The following MOCOS variants were observed in gnomAD, a reference collection of about 807,000 sequenced individuals.
The protein encoded by MOCOS is molybdenum cofactor sulfurase.
MOCOS carries 86 observed loss-of-function variants against 83.6 expected under a neutral mutation model. The observed-to-expected ratio is 1.03, with a 90% CI of 0.86 to 1.23. The LOEUF (loss-of-function observed/expected upper bound fraction) is 1.23. Ranked by LOEUF, MOCOS falls within the 50% of genes most tolerant of loss-of-function variation. The pLI, the probability that MOCOS is intolerant of heterozygous loss-of-function variation, is 0.00. For missense variants in MOCOS, 1,120 were observed against 1,126.9 expected, an observed-to-expected ratio of 0.99 and a Z score of 0.09; for synonymous variants, 445 against 434.7, an observed-to-expected ratio of 1.02 and a Z score of -0.29.
intron 13 of MOCOS, among the ~76,000 whole-genome samples, chr18:36,266,242 T>G (rs1418289505): frequency 6.7e-6 from 1 of 149,626 alleles, no homozygotes; most frequent in Admixed American, 6.6e-5. Flanking sequence ...TTCAAGTGAT[T>G]CTTCTTCCTC....
Position 36,251,856 on chromosome 18 carries a change from G to A in MOCOS, c.2164+573G>A, listed in dbSNP as rs547888289. Among the ~76,000 whole-genome samples the A allele has an allele frequency of 4.6e-5, 7 of 152,198 alleles. No homozygotes were observed. In the South Asian group the frequency reaches 6.2e-4, roughly 14 times the overall value. ...CAGAAAAGATCATTTTCATGTGTCCGCTCAAATGTCACCTCCTTAGGGAAG... is the reference window on the plus strand; with the variant it reads ...CAGAAAAGATCATTTTCATGTGTCCACTCAAATGTCACCTCCTTAGGGAAG... On this transcript the variant is annotated intron_variant, in intron 11 of 14. Coordinates refer to ENST00000261326, the MANE Select transcript of MOCOS (RefSeq NM_017947.4).
chr18:36,266,872 T>C lies in MOCOS; in HGVS notation c.2514+19T>C. ...AACAAAGGTAAGCGTGATTGCAAAATATGACACCTGGTTTCCAATCCTGGT... is the reference window on the plus strand; with the variant it reads ...AACAAAGGTAAGCGTGATTGCAAAACATGACACCTGGTTTCCAATCCTGGT... On this transcript the variant is annotated intron_variant, in intron 14 of 14. Transcript: ENST00000261326. 6.3e-7 allele frequency: 1 copy of C among 1,585,028 alleles called. No homozygotes were observed.
intron 5 of MOCOS, among the ~76,000 whole-genome samples, chr18:36,204,120 C>T (rs2091425309): frequency 6.6e-6 from 1 of 152,140 alleles, no homozygotes; most frequent in African/African-American, 2.4e-5. Flanking sequence ...TTTAAGTGTA[C>T]AACTCAGTCG....
At chr18:36,237,373 G>C (rs36175339) in intron 9 of MOCOS, among the ~76,000 whole-genome samples, 64,419 of 151,580 alleles carry the variant, frequency 0.42, 13,941 homozygotes, top group Admixed American at 0.49. Flanking sequence ...GGCCTTTTCT[G>C]CATCTATTGA....
At chr18:36,252,921 G>C (rs535538324) in intron 11 of MOCOS, among the ~76,000 whole-genome samples, 1 of 152,266 alleles carries the variant, frequency 6.6e-6, no homozygotes, top group Admixed American at 6.5e-5. Flanking sequence ...TTGAGTTGCT[G>C]TGTGATAGAA....
At chr18:36,226,264 A>G (rs977581341) in intron 9 of MOCOS, among the ~76,000 whole-genome samples, 1 of 152,178 alleles carries the variant, frequency 6.6e-6, no homozygotes, top group African/African-American at 2.4e-5. Flanking sequence ...TTTTATCATC[A>G]TAAAATGTCC....
chr18:36,222,583 AT>A lies in MOCOS; in HGVS notation c.1960+2378del, dbSNP rs796627171. ...AAATACCTATTCAGGTCTTGAACCCATTTTTTTTTTTTAATTTTTTAATTTT... is the reference window on the plus strand; with the variant it reads ...AAATACCTATTCAGGTCTTGAACCCATTTTTTTTTTTAATTTTTTAATTTT... On this transcript the variant is annotated intron_variant, in intron 9 of 14. Coordinates refer to ENST00000261326, the MANE Select transcript of MOCOS (RefSeq NM_017947.4). 1.6e-3 allele frequency among the ~76,000 whole-genome samples: 226 copies of A among 140,224 alleles called. 1 individual carries two copies. The highest frequency in any genetic ancestry group is 5.2e-3 in the South Asian group (23 of 4,424). The allele number at this position is 140,224 out of a possible 152,430, so 92.0% of individuals were successfully genotyped here.
intron 9 of MOCOS, among the ~76,000 whole-genome samples, chr18:36,245,635 G>A (rs35391467): frequency 0.12 from 18,641 of 152,050 alleles, 1,228 homozygotes; most frequent in African/African-American, 0.14. Flanking sequence ...AATTTCCCAG[G>A]TGTTCTTTAA....
At chr18:36,191,839 T>A (rs2091367678) in intron 1 of MOCOS, among the ~76,000 whole-genome samples, 1 of 152,254 alleles carries the variant, frequency 6.6e-6, no homozygotes, top group Non-Finnish European at 1.5e-5. Context: ...TATCATGCTA[T>A]CTTCTATTTT....
chr18:36,268,720 T>A lies in MOCOS; in HGVS notation c.*35T>A. ...TTAGCATAAAGTTTCTCTTTTACAGTGATCTCTATTATTGTTAAGATCTGC... is the reference window on the plus strand; with the variant it reads ...TTAGCATAAAGTTTCTCTTTTACAGAGATCTCTATTATTGTTAAGATCTGC... On this transcript the variant is annotated 3_prime_UTR_variant, in exon 15 of 15. Coordinates refer to ENST00000261326, the MANE Select transcript of MOCOS (RefSeq NM_017947.4). 6.5e-7 allele frequency: 1 copy of A among 1,533,254 alleles called. No homozygotes were observed. The highest frequency in any genetic ancestry group is 9.0e-7 in the Non-Finnish European group (1 of 1,107,090). 95.0% of individuals were successfully genotyped at this position (1,533,254 alleles called of 1,614,324 possible).
chr18:36,190,319 C>G (rs2144890348), intron 1 of MOCOS: 1 of 152,216 alleles, frequency 6.6e-6, no homozygotes, highest in East Asian at 1.9e-4. Context: ...GCTCTGTGTC[C>G]CCACCTAAAT....
At chr18:36,222,892 G>T (rs759993425) in intron 9 of MOCOS, among the ~76,000 whole-genome samples, 1 of 152,136 alleles carries the variant, frequency 6.6e-6, no homozygotes, top group Non-Finnish European at 1.5e-5. Flanking sequence ...GAGCCATCGC[G>T]CCCAGCCACT....
intron 9 of MOCOS, among the ~76,000 whole-genome samples, chr18:36,236,610 T>C (rs1262314018): frequency 4.0e-5 from 5 of 125,804 alleles, no homozygotes; most frequent in South Asian, 2.6e-4. Context: ...GACTTGGCAA[T>C]GCGGGCTCTT....
intron 13 of MOCOS, among the ~76,000 whole-genome samples, chr18:36,265,864 C>T (rs1009613222): frequency 2.0e-5 from 3 of 152,016 alleles, no homozygotes; most frequent in Non-Finnish European, 4.4e-5. Flanking sequence ...CCTTTTAATA[C>T]GTGCATGATA....
intron 9 of MOCOS, among the ~76,000 whole-genome samples, chr18:36,238,963 CTTT>C (rs1196387598): frequency 2.6e-5 from 4 of 151,110 alleles, no homozygotes; most frequent in Non-Finnish European, 4.4e-5. Context: ...CAACCCCTGC[CTTT>C]TTTTGTTTTC....
intron 6 of MOCOS, among the ~76,000 whole-genome samples, chr18:36,211,310 G>A (rs1441036387): frequency 6.6e-6 from 1 of 152,224 alleles, no homozygotes; most frequent in Non-Finnish European, 1.5e-5. Flanking sequence ...ACTGTTGGAA[G>A]TCACTGCATG....
At chr18:36,254,066 G>A (rs2091631974) in intron 11 of MOCOS, among the ~76,000 whole-genome samples, 1 of 152,106 alleles carries the variant, frequency 6.6e-6, no homozygotes, top group South Asian at 2.1e-4. Flanking sequence ...AAAGAAGAAA[G>A]CCTGTCTTCC....
rs2091681753 is a variant in MOCOS at position 36,266,326 on chromosome 18, G to C, written c.2410-423G>C. On this transcript the variant is annotated intron_variant, in intron 13 of 14. Transcript: ENST00000261326. ...AATTTTTGTATTTTTAGTAGAGACA[G>C]GGTTTTGTCATGATGTCCAGGCTGG... 2.0e-5 allele frequency among the ~76,000 whole-genome samples: 3 copies of C among 152,258 alleles called. No individual in the cohort carries two copies. In the South Asian group the frequency reaches 6.2e-4, roughly 32 times the overall value.
intron 9 of MOCOS, among the ~76,000 whole-genome samples, chr18:36,247,425 A>G (rs897489142): frequency 6.6e-6 from 1 of 152,120 alleles, no homozygotes; most frequent in East Asian, 1.9e-4. Flanking sequence ...GCTCAGTTAA[A>G]ATCATTACAA....
Sources: gnomAD v4.1 joint callset for allele counts (sites outside exome capture counted in the v4.1 genomes callset) on GRCh38, gnomAD v4.1.1 for gene constraint, MANE v1.5 for transcripts, NCBI Gene and HGNC (gene_info 2026-07-23, HGNC 2026-07-21) for gene names.